The following NTSR2 variants were observed in gnomAD, a reference collection of about 807,000 sequenced individuals.
NTSR2 encodes neurotensin receptor 2.
NTSR2 carries 22 observed loss-of-function variants against 24.1 expected under a neutral mutation model. The observed-to-expected ratio is 0.91, with a 90% CI of 0.65 to 1.30. NTSR2 has a LOEUF of 1.30. Ranked by LOEUF, NTSR2 falls within the 50% of genes most tolerant of loss-of-function variation. NTSR2 has a pLI of 0.00. For missense variants in NTSR2, 570 were observed against 570.4 expected (o/e 1.00, Z 0.01); for synonymous variants, 291 against 267.0 (o/e 1.09, Z -0.88).
At chr2:11,660,395 C>T (rs1373998721) in intron 2 of NTSR2, among the ~76,000 whole-genome samples, 1 of 152,222 alleles carries the variant, frequency 6.6e-6, no homozygotes, top group African/African-American at 2.4e-5. Context: ...CTAGGACCTC[C>T]TCCTGGCCAC....
At chr2:11,668,277 G>A (rs1661247515) in intron 1 of NTSR2, among the ~76,000 whole-genome samples, 1 of 152,238 alleles carries the variant, frequency 6.6e-6, no homozygotes, top group South Asian at 2.1e-4. Flanking sequence ...CCAGGGGATG[G>A]ATGAGCAGAC....
intron 1 of NTSR2, 46 bp downstream of exon 1, chr2:11,669,460 G>GGGGCGGGGGGGGGCCCCCCCCCCCCCCCC: frequency 3.9e-6 from 1 of 254,726 alleles, no homozygotes; most frequent in Non-Finnish European, 6.9e-6. Flanking sequence ...TCCCAGCACC[G>GGGGCGGGGGGGGGCCCCCCCCCCCCCCCC]CCCCCCCACC....
rs779905079 is a variant in NTSR2, at chr2:11,669,692, C to A, written c.438G>T (p.Leu146=). 3 of 1,531,494 alleles carry A rather than the reference C, an allele frequency of 2.0e-6. No individual in the cohort carries two copies. The highest frequency in any genetic ancestry group is 1.2e-5 in the South Asian group (1 of 83,412). 94.9% of individuals were successfully genotyped at this position (1,531,494 alleles called of 1,614,324 possible). ...GCCACCGGGTCCGGCGTGGCGTCAG[C>A]AGGCTGCGGGCACGCAGGGGCTGGC... ...AVCQPLRARS[L]LTPRRTRWLV... Residue 146 remains leucine (L), a synonymous_variant, in exon 1 of 4, where the codon CTG becomes CTT. Transcript: ENST00000306928.
At chr2:11,667,639 C>T (rs951544515) in intron 1 of NTSR2, among the ~76,000 whole-genome samples, 4 of 152,158 alleles carry the variant, frequency 2.6e-5, no homozygotes, top group Non-Finnish European at 5.9e-5. Flanking sequence ...GCTACTGCAC[C>T]GAGCCTTATA....
chr2:11,664,752 A>G (rs1056040828), intron 1 of NTSR2, among the ~76,000 whole-genome samples: 11 of 152,224 alleles, frequency 7.2e-5, no homozygotes, highest in African/African-American at 2.7e-4. Flanking sequence ...AGTTTTTCGT[A>G]CTTTCAAAAA....
chr2:11,669,457 A>ACCCCCCCCCCCCCCCCCCCCCCC, intron 1 of NTSR2, 49 bp downstream of exon 1: 1 of 221,428 alleles, frequency 4.5e-6, no homozygotes, highest in Non-Finnish European at 8.2e-6. Context: ...TCCTCCCAGC[A>ACCCCCCCCCCCCCCCCCCCCCCC]CCGCCCCCCC....
At chr2:11,663,230 G>T (rs916069635) in intron 1 of NTSR2, among the ~76,000 whole-genome samples, 1 of 152,134 alleles carries the variant, frequency 6.6e-6, no homozygotes, top group African/African-American at 2.4e-5. Context: ...AAGGTTATAA[G>T]CCAATAAAGA....
intron 1 of NTSR2, 47 bp downstream of exon 1, chr2:11,669,459 C>CT: frequency 3.0e-6 from 1 of 337,892 alleles, no homozygotes; most frequent in Non-Finnish European, 5.3e-6. Flanking sequence ...CTCCCAGCAC[C>CT]GCCCCCCCAC....
intron 1 of NTSR2, chr2:11,665,583 CAT>C (rs1407410496): frequency 1.3e-5 from 2 of 151,716 alleles, no homozygotes; most frequent in African/African-American, 4.9e-5. Context: ...GATCTTTACT[CAT>C]AGTTAAAATA....
chr2:11,669,460 G>GGGGGGGGGGGGGGGGGCCCCCCCCCCC, intron 1 of NTSR2, 46 bp downstream of exon 1: 6 of 254,726 alleles, frequency 2.4e-5, no homozygotes, highest in Middle Eastern at 1.0e-3. Flanking sequence ...TCCCAGCACC[G>GGGGGGGGGGGGGGGGGCCCCCCCCCCC]CCCCCCCACC....
At chr2:11,666,102 C>G (rs1207936517) in intron 1 of NTSR2, 3 of 152,276 alleles carry the variant, frequency 2.0e-5, no homozygotes, top group Non-Finnish European at 4.4e-5. Context: ...GGATGATACC[C>G]CTTGGTAGAG....
chr2:11,658,410 G>A lies in NTSR2; in HGVS notation c.*69C>T. The A allele has an allele frequency of 2.0e-6, 3 of 1,521,670 alleles. No individual in the cohort carries two copies. The South Asian group carries it at 4.0e-5, about 20-fold the overall frequency. The allele number at this position is 1,521,670 out of a possible 1,614,324, so 94.3% of individuals were successfully genotyped here. A position where few individuals can be genotyped will look rare whatever the true frequency, so the allele number is the denominator to read the frequency against. On this transcript the variant is annotated 3_prime_UTR_variant, in exon 4 of 4. Transcript: ENST00000306928. The stretch of plus-strand genomic sequence containing the variant: ...AGCTTGAATGATTAGTGATGAGGTT[G>A]CTCACCTGCTTTGCCAGGTGACTAA...
chr2:11,667,957 G>A lies in NTSR2; in HGVS notation c.624+1549C>T, dbSNP rs555255709. Among the ~76,000 whole-genome samples the A allele has an allele frequency of 3.3e-5, 5 of 152,340 alleles. No homozygotes were observed. The South Asian group carries it at 1.0e-3, about 32-fold the overall frequency. ...TGTTTAAAGAAATAAGAGGTGACAA[G>A]TTCAGTGGAGAGAAGGCCCTGTTGC... On this transcript the variant is annotated intron_variant, in intron 1 of 3. Transcript: ENST00000306928.
chr2:11,660,770 T>G (rs1558695781), intron 2 of NTSR2, among the ~76,000 whole-genome samples: 1 of 152,218 alleles, frequency 6.6e-6, no homozygotes, highest in African/African-American at 2.4e-5. Context: ...ACTTGTGTCT[T>G]TCTTGTCTTA....
At chr2:11,667,316 T>A (rs1661225767) in intron 1 of NTSR2, among the ~76,000 whole-genome samples, 1 of 152,262 alleles carries the variant, frequency 6.6e-6, no homozygotes, top group South Asian at 2.1e-4. Flanking sequence ...GGCTAGAATT[T>A]TTATTCAGAA....
intron 1 of NTSR2, among the ~76,000 whole-genome samples, chr2:11,667,485 T>C (rs1661230360): frequency 6.6e-6 from 1 of 152,142 alleles, no homozygotes; most frequent in South Asian, 2.1e-4. Flanking sequence ...CAGCTAGGAC[T>C]ACAGGCATGC....
intron 3 of NTSR2, among the ~76,000 whole-genome samples, chr2:11,659,443 C>T (rs766353327): frequency 2.6e-5 from 4 of 152,230 alleles, no homozygotes; most frequent in Non-Finnish European, 4.4e-5. Context: ...TCATGTTGCC[C>T]GTGCAAGTGT....
At chr2:11,669,460 G>GGGGGGGGGGGGGGGGGCCCCCC in intron 1 of NTSR2, 46 bp downstream of exon 1, 3 of 254,722 alleles carry the variant, frequency 1.2e-5, no homozygotes, top group Non-Finnish European at 1.4e-5. Context: ...TCCCAGCACC[G>GGGGGGGGGGGGGGGGGCCCCCC]CCCCCCCACC....
intron 1 of NTSR2, among the ~76,000 whole-genome samples, chr2:11,662,754 C>G (rs2148485219): frequency 1.3e-5 from 2 of 152,196 alleles, no homozygotes; most frequent in South Asian, 4.2e-4. Context: ...GCACTCCAGC[C>G]TGGGCAACAG....
Sources: gnomAD v4.1 joint callset for allele counts (sites outside exome capture counted in the v4.1 genomes callset) on GRCh38, gnomAD v4.1.1 for gene constraint, MANE v1.5 for transcripts, NCBI Gene and HGNC (gene_info 2026-07-23, HGNC 2026-07-21) for gene names.